The following DPYD variants were observed in gnomAD, a reference collection of about 807,000 sequenced individuals.
The protein encoded by DPYD is dihydropyrimidine dehydrogenase [NADP(+)].
DPYD carries 109 observed loss-of-function variants against 116.2 expected under a neutral mutation model. That is an observed-to-expected ratio of 0.94 (90% CI 0.80 to 1.10). The LOEUF (loss-of-function observed/expected upper bound fraction) is 1.10. Ranked by LOEUF, DPYD falls within the 50% of genes least tolerant of loss-of-function variation. DPYD has a pLI of 0.00. For synonymous variants in DPYD, 440 were observed against 432.0 expected, an observed-to-expected ratio of 1.02 and a Z score of -0.23; for missense variants, 1,302 against 1,254.5, an observed-to-expected ratio of 1.04 and a Z score of -0.57.
Position 97,469,961 on chromosome 1 carries a change from G to A in DPYD, c.1741-19738C>T, listed in dbSNP as rs183977277. ...AGCCCTCAGCCAGGTCATTTTCATC[G>A]TTCTTGCAAATAACAAATGGATAGC... On this transcript the variant is annotated intron_variant, in intron 13 of 22. Coordinates refer to ENST00000370192, the MANE Select transcript of DPYD (RefSeq NM_000110.4). Among the ~76,000 whole-genome samples the A allele has an allele frequency of 6.0e-4, 92 of 152,176 alleles. 1 individual carries two copies. Among genetic ancestry groups the A allele is most frequent in the Admixed American group, 4.8e-3 (73 of 15,272 alleles).
intron 15 of DPYD, among the ~76,000 whole-genome samples, chr1:97,382,068 G>T (rs1233060496): frequency 6.6e-6 from 1 of 152,112 alleles, no homozygotes; most frequent in African/African-American, 2.4e-5. Flanking sequence ...CTCAAAGGTA[G>T]AATTAAATTT....
rs371582224 is a variant in DPYD at position 97,290,432 on chromosome 1, A to T, written c.2299+14827T>A. Among the ~76,000 whole-genome samples the T allele has an allele frequency of 7.5e-4, 114 of 152,286 alleles. 2 individuals are homozygous for T. The East Asian group carries it at 0.02, about 27-fold the overall frequency. On this transcript the variant is annotated intron_variant, in intron 18 of 22. Coordinates refer to ENST00000370192, the MANE Select transcript of DPYD (RefSeq NM_000110.4). ...GAGGCATCACGCTACCTGACTTCAA[A>T]CTATACTACAAGGCTACAGTAACCA... is the stretch of plus-strand genomic sequence containing the variant.
intron 16 of DPYD, among the ~76,000 whole-genome samples, chr1:97,364,611 A>G (rs924557914): frequency 2.0e-5 from 3 of 152,294 alleles, no homozygotes; most frequent in Non-Finnish European, 4.4e-5. Flanking sequence ...ACAAAAACAA[A>G]GTTAGGTATA....
At chr1:97,207,651 T>C (rs1234494170) in intron 19 of DPYD, among the ~76,000 whole-genome samples, 1 of 152,156 alleles carries the variant, frequency 6.6e-6, no homozygotes, top group Non-Finnish European at 1.5e-5. Flanking sequence ...ATCCAATATA[T>C]ACAATGTTCT....
chr1:97,329,015 A>G (rs927741419), intron 16 of DPYD, among the ~76,000 whole-genome samples: 5 of 152,192 alleles, frequency 3.3e-5, no homozygotes, highest in Non-Finnish European at 7.4e-5. Context: ...TGATTAGAGA[A>G]AATATTTTCC....
intron 3 of DPYD, among the ~76,000 whole-genome samples, chr1:97,746,886 C>T (rs1252613380): frequency 6.6e-6 from 1 of 150,708 alleles, no homozygotes; most frequent in African/African-American, 2.4e-5. Flanking sequence ...GACCAAAAGG[C>T]CAAAAGAAAA....
intron 3 of DPYD, among the ~76,000 whole-genome samples, chr1:97,749,254 C>T (rs1434635822): frequency 2.0e-5 from 3 of 152,136 alleles, no homozygotes; most frequent in Admixed American, 2.0e-4. Context: ...ACATTGCTTT[C>T]TCTTCTTTAA....
At chr1:97,567,903 G>C (rs760293935) in intron 11 of DPYD, among the ~76,000 whole-genome samples, 13 of 152,030 alleles carry the variant, frequency 8.6e-5, no homozygotes, top group Non-Finnish European at 1.8e-4. Flanking sequence ...TTAAGTTTTA[G>C]GGTACATATG....
At chr1:97,867,912 C>G (rs911050576) in intron 2 of DPYD, among the ~76,000 whole-genome samples, 6 of 151,538 alleles carry the variant, frequency 4.0e-5, no homozygotes, top group African/African-American at 7.3e-5. Flanking sequence ...GCATCCAAAA[C>G]GTAAAGGAAA....
At chr1:97,449,312 G>GA (rs1270217323) in intron 14 of DPYD, among the ~76,000 whole-genome samples, 2 of 151,884 alleles carry the variant, frequency 1.3e-5, no homozygotes, top group Admixed American at 6.6e-5. Flanking sequence ...AAGAATGAAA[G>GA]AAAGAGAAAT....
intron 20 of DPYD, among the ~76,000 whole-genome samples, chr1:97,099,048 C>T (rs1650476148): frequency 6.6e-6 from 1 of 152,066 alleles, no homozygotes; most frequent in South Asian, 2.1e-4. Context: ...GATATAGACA[C>T]AGTTGTAGTC....
At position 97,865,627 on chromosome 1, in the gene DPYD, GTT is replaced by G. The variant is rs576672627; in HGVS notation, c.150+17635_150+17636del. ...TCTAAAAATAACAGTAAATGTGTGTGTTTAACAGTATAAGAGGTAGATCTCAA... is the reference window on the plus strand; with the variant it reads ...TCTAAAAATAACAGTAAATGTGTGTGTAACAGTATAAGAGGTAGATCTCAA... On this transcript the variant is annotated intron_variant, in intron 2 of 22. Coordinates refer to ENST00000370192, the MANE Select transcript of DPYD (RefSeq NM_000110.4). Among the ~76,000 whole-genome samples the G allele has an allele frequency of 1.8e-4, 28 of 151,996 alleles. No individual in the cohort carries two copies. In the South Asian group the frequency reaches 5.8e-3, roughly 31 times the overall value.
intron 13 of DPYD, among the ~76,000 whole-genome samples, chr1:97,456,061 G>A (rs1006136523): frequency 1.3e-4 from 19 of 151,480 alleles, no homozygotes; most frequent in Admixed American, 1.2e-3. Flanking sequence ...GATATGTATA[G>A]CACAAATCTG....
intron 20 of DPYD, among the ~76,000 whole-genome samples, chr1:97,115,788 T>C (rs2101633000): frequency 6.6e-6 from 1 of 152,296 alleles, no homozygotes; most frequent in Admixed American, 6.5e-5. Context: ...CAAAGAAATG[T>C]ATGCTGTGGG....
intron 3 of DPYD, among the ~76,000 whole-genome samples, chr1:97,818,070 T>G (rs1317368233): frequency 6.6e-6 from 1 of 152,010 alleles, no homozygotes; most frequent in Non-Finnish European, 1.5e-5. Flanking sequence ...AAATGCAGTT[T>G]TTTCCTGACC....
chr1:97,258,723 C>T (rs890007990), intron 18 of DPYD, among the ~76,000 whole-genome samples: 4 of 152,118 alleles, frequency 2.6e-5, no homozygotes, highest in African/African-American at 9.7e-5. Flanking sequence ...GAGAGGGCCT[C>T]TGAGAATTTT....
chr1:97,866,792 G>A (rs1488508131), intron 2 of DPYD, among the ~76,000 whole-genome samples: 1 of 151,918 alleles, frequency 6.6e-6, no homozygotes, highest in Non-Finnish European at 1.5e-5. Context: ...TGTGATGAAA[G>A]TAAGGAAGTG....
At chr1:97,092,461 C>T (rs1455614205) in intron 21 of DPYD, among the ~76,000 whole-genome samples, 1 of 152,116 alleles carries the variant, frequency 6.6e-6, no homozygotes, top group Non-Finnish European at 1.5e-5. Flanking sequence ...TTAAGACTTC[C>T]TTTTTGTATT....
chr1:97,455,481 C>T (rs1676632814), intron 13 of DPYD, among the ~76,000 whole-genome samples: 2 of 151,878 alleles, frequency 1.3e-5, no homozygotes, highest in South Asian at 2.1e-4. Context: ...AAATATATCA[C>T]TTTCCTAATA....
Sources: gnomAD v4.1 joint callset for allele counts (sites outside exome capture counted in the v4.1 genomes callset) on GRCh38, gnomAD v4.1.1 for gene constraint, MANE v1.5 for transcripts, NCBI Gene and HGNC (gene_info 2026-07-23, HGNC 2026-07-21) for gene names.